Variants in ANKFN1 observed in about 807,000 individuals in gnomAD.
ANKFN1 encodes the protein ankyrin repeat and fibronectin type-III domain-containing protein 1.
In ANKFN1, 74 loss-of-function variants were observed where a neutral mutation model predicts 108.7. The observed-to-expected ratio is 0.68, with a 90% CI of 0.56 to 0.83. ANKFN1 has a LOEUF of 0.83. Ranked by LOEUF, ANKFN1 falls within the 40% of genes least tolerant of loss-of-function variation. ANKFN1 has a pLI of 0.00. For synonymous variants in ANKFN1, 547 were observed against 516.2 expected (o/e 1.06, Z -0.81); for missense variants, 1,505 against 1,382.3 (o/e 1.09, Z -1.41).
chr17:56,208,320 C>T (rs1049437418), intron 1 of ANKFN1, among the ~76,000 whole-genome samples: 4 of 152,180 alleles, frequency 2.6e-5, no homozygotes, highest in African/African-American at 4.8e-5. Flanking sequence ...CATACCCGGC[C>T]GTTAGACAAG....
intron 8 of ANKFN1, among the ~76,000 whole-genome samples, chr17:56,385,040 G>A (rs2047219874): frequency 1.3e-5 from 2 of 151,550 alleles, no homozygotes. Context: ...GAACAAAGCT[G>A]GAGGCATCAC....
intron 4 of ANKFN1, among the ~76,000 whole-genome samples, chr17:56,349,724 C>T (rs760990977): frequency 2.8e-4 from 43 of 152,036 alleles, no homozygotes; most frequent in Admixed American, 2.0e-4. Context: ...TATAAATGTA[C>T]TAAATTATCA....
At position 56,319,090 on chromosome 17, in the gene ANKFN1, G is replaced by A. The variant is rs544317700; in HGVS notation, c.54-7131G>A. 2.0e-5 allele frequency among the ~76,000 whole-genome samples: 3 copies of A among 152,232 alleles called. No individual in the cohort carries two copies. In the South Asian group the frequency reaches 6.2e-4, roughly 32 times the overall value. On this transcript the variant is annotated intron_variant, in intron 3 of 20. Coordinates refer to ENST00000682825, the MANE Select transcript of ANKFN1 (RefSeq NM_001370326.1). ...AGGAAGAAAAAACATAGACAAAGGA[G>A]GAAGAAGAGGAGGAGGGGTCTGCCT... is the stretch of plus-strand genomic sequence containing the variant.
intron 1 of ANKFN1, among the ~76,000 whole-genome samples, chr17:56,160,228 T>C (rs1909520365): frequency 6.6e-6 from 1 of 152,160 alleles, no homozygotes; most frequent in African/African-American, 2.4e-5. Flanking sequence ...TTTAAGAGGA[T>C]GATTGATGGT....
intron 8 of ANKFN1, among the ~76,000 whole-genome samples, chr17:56,408,423 A>T (rs1427604705): frequency 6.6e-6 from 1 of 152,156 alleles, no homozygotes; most frequent in Non-Finnish European, 1.5e-5. Context: ...GAATTAATAT[A>T]GGTATAAATT....
intron 8 of ANKFN1, among the ~76,000 whole-genome samples, chr17:56,383,495 G>T (rs2047167114): frequency 1.3e-5 from 2 of 152,164 alleles, no homozygotes; most frequent in South Asian, 4.1e-4. Flanking sequence ...AGAACTGAAG[G>T]AATTAGAGAC....
chr17:56,087,758 T>C (rs1422445503), intron 4 of ANKFN1, among the ~76,000 whole-genome samples: 1 of 151,332 alleles, frequency 6.6e-6, no homozygotes, highest in Non-Finnish European at 1.5e-5. Context: ...TAAAGTTTTA[T>C]TGGAACTTTA....
rs9906210 is a variant in ANKFN1 at position 56,153,556 on chromosome 17, C to A, written c.-71+26C>A. Reference sequence around the variant, plus strand: ...GTAGGAAAACAATAGTTCTAAATATCGGTAATTGGTGTTTGGAGGCCATTG... The same window carrying A: ...GTAGGAAAACAATAGTTCTAAATATAGGTAATTGGTGTTTGGAGGCCATTG... On this transcript the variant is annotated intron_variant, in intron 1 of 20. Transcript: ENST00000682825. 4.5e-3 allele frequency: 7,220 copies of A among 1,613,168 alleles called. 271 individuals are homozygous for A. In the African/African-American group the frequency reaches 0.085, roughly 19 times the overall value.
chr17:56,330,891 A>G (rs2045645050), intron 4 of ANKFN1, among the ~76,000 whole-genome samples: 1 of 152,164 alleles, frequency 6.6e-6, no homozygotes, highest in Non-Finnish European at 1.5e-5. Context: ...CTTGCCAAGG[A>G]GTTACTGCTG....
At chr17:56,489,553 C>CT in intron 18 of ANKFN1, among the ~76,000 whole-genome samples, 1 of 151,906 alleles carries the variant, frequency 6.6e-6, no homozygotes, top group East Asian at 1.9e-4. Context: ...AGTGTGGGTG[C>CT]TGTGAGACCA....
At chr17:56,107,574 T>C (rs1225441300) in intron 4 of ANKFN1, among the ~76,000 whole-genome samples, 2 of 152,172 alleles carry the variant, frequency 1.3e-5, no homozygotes, top group East Asian at 3.9e-4. Flanking sequence ...CAAAATTCTT[T>C]ATTTCCTGAT....
At chr17:56,046,892 T>C (rs1038988265) in intron 4 of ANKFN1, among the ~76,000 whole-genome samples, 1 of 152,214 alleles carries the variant, frequency 6.6e-6, no homozygotes, top group Non-Finnish European at 1.5e-5. Context: ...TGAGTTGCAT[T>C]TTACCCATCC....
intron 8 of ANKFN1, among the ~76,000 whole-genome samples, chr17:56,388,537 A>G (rs906705316): frequency 6.6e-6 from 1 of 152,136 alleles, no homozygotes; most frequent in Non-Finnish European, 1.5e-5. Context: ...CTCTCAACAT[A>G]GCTATATTTC....
intron 3 of ANKFN1, among the ~76,000 whole-genome samples, chr17:56,229,231 T>G (rs926541946): frequency 2.0e-5 from 3 of 152,152 alleles, no homozygotes; most frequent in Non-Finnish European, 4.4e-5. Context: ...TATTGCATTA[T>G]CAAGACACCT....
Position 56,090,923 on chromosome 17 carries a change from T to C in ANKFN1, c.288+44598T>C, listed in dbSNP as rs959025889. Among the ~76,000 whole-genome samples, 9 of 151,190 alleles carry C rather than the reference T, an allele frequency of 6.0e-5. 1 individual carries two copies. The highest frequency in any genetic ancestry group is 4.2e-4 in the South Asian group (2 of 4,804). ...GTGCCTGGCTAGGCGTTTGCTTTAATTTGAATATATTATACCAATACCAAC... is the reference window on the plus strand; with the variant it reads ...GTGCCTGGCTAGGCGTTTGCTTTAACTTGAATATATTATACCAATACCAAC... On this transcript the variant is annotated intron_variant, in intron 4 of 12. Transcript: ENST00000635860.
At chr17:56,179,921 T>C (rs1027341717) in intron 1 of ANKFN1, among the ~76,000 whole-genome samples, 9 of 152,190 alleles carry the variant, frequency 5.9e-5, no homozygotes, top group Admixed American at 2.0e-4. Context: ...CATTCTATTA[T>C]ATGAAAACCA....
Position 56,498,919 on chromosome 17 carries a change from T to C in ANKFN1, c.2465T>C (p.Met822Thr), listed in dbSNP as rs778484994. 2.0e-6 allele frequency: 3 copies of C among 1,535,704 alleles called. No individual in the cohort carries two copies. The highest frequency in any genetic ancestry group is 1.2e-5 in the South Asian group (1 of 84,054). ...DEVWREMRWI[M>T]DALQYARYKQ... ...GTCTGGCGTGAAATGAGATGGATCATGGATGCTCTACAGTATGCAAGATAC... is the reference window on the plus strand; with the variant it reads ...GTCTGGCGTGAAATGAGATGGATCACGGATGCTCTACAGTATGCAAGATAC... The change falls in exon 20 of 21, where the codon ATG becomes ACG. Residue 822 changes from methionine to threonine, a missense_variant. Met to Thr is a moderately conservative substitution (Grantham distance 81, BLOSUM62 -1). Coordinates refer to ENST00000682825, the MANE Select transcript of ANKFN1 (RefSeq NM_001370326.1).
chr17:56,155,406 G>C (rs1909008175), intron 1 of ANKFN1, among the ~76,000 whole-genome samples: 1 of 152,208 alleles, frequency 6.6e-6, no homozygotes, highest in South Asian at 2.1e-4. Context: ...GTGCCAAGCA[G>C]CTGGTCCTAA....
chr17:56,418,999 G>A (rs1255242682), intron 8 of ANKFN1, among the ~76,000 whole-genome samples: 2 of 152,176 alleles, frequency 1.3e-5, no homozygotes, highest in African/African-American at 4.8e-5. Flanking sequence ...GTAACATGCT[G>A]AGAACTCTTA....
Sources: gnomAD v4.1 joint callset for allele counts (sites outside exome capture counted in the v4.1 genomes callset) on GRCh38, gnomAD v4.1.1 for gene constraint, MANE v1.5 for transcripts, NCBI Gene and HGNC (gene_info 2026-07-23, HGNC 2026-07-21) for gene names.